Variants in ACOX3 observed in about 807,000 individuals in gnomAD.
ACOX3 encodes peroxisomal acyl-coenzyme A oxidase 3.
Under a neutral mutation model 81.5 loss-of-function variants are expected in ACOX3, and 73 were observed. The observed-to-expected ratio is 0.90, with a 90% confidence interval of 0.74 to 1.09. The LOEUF is 1.09. Among genes scored for constraint, ACOX3 ranks in the 50% least tolerant of loss-of-function variants. The probability of loss-of-function intolerance (pLI) is 0.00; values close to 1 mark genes in which losing one functional copy is unlikely to be tolerated. For missense variants in ACOX3, 947 were observed against 928.0 expected (o/e 1.02, Z -0.27); for synonymous variants, 387 against 375.1 (o/e 1.03, Z -0.37).
chr4:8,420,994 C>T (rs908780112), intron 1 of ACOX3, among the ~76,000 whole-genome samples: 8 of 152,248 alleles, frequency 5.3e-5, no homozygotes, highest in Non-Finnish European at 7.3e-5. Flanking sequence ...ACACTCACCG[C>T]ATGGCCCAAG....
chr4:8,374,882 T>G (rs1716723211), intron 15 of ACOX3, 96 bp downstream of exon 15: 1 of 1,341,588 alleles, frequency 7.5e-7, no homozygotes, highest in South Asian at 1.6e-5. Flanking sequence ...GTGAGTCCCG[T>G]GGAAGGAGGA....
rs1360856106 is a variant in ACOX3 at position 8,384,746 on chromosome 4, G to A, written c.1538-3139C>T. On this transcript the variant is annotated intron_variant, in intron 13 of 17. Coordinates refer to ENST00000356406, the MANE Select transcript of ACOX3 (RefSeq NM_003501.3). The surrounding 1 kb of genome is among the most constrained non-coding windows in gnomAD (Gnocchi z 5.3). ...TCCAGTCCCCTCTGCGTCAGCATCAGAGCACTCCTAACTCGGATTCTGACC... is the reference window on the plus strand; with the variant it reads ...TCCAGTCCCCTCTGCGTCAGCATCAAAGCACTCCTAACTCGGATTCTGACC... 6.6e-6 allele frequency among the ~76,000 whole-genome samples: 1 copy of A among 152,120 alleles called. No homozygotes were observed. The highest frequency in any genetic ancestry group is 1.5e-5 in the Non-Finnish European group (1 of 68,034).
At chr4:8,390,653 GAGC>G (rs1718880206) in intron 11 of ACOX3, among the ~76,000 whole-genome samples, 1 of 152,176 alleles carries the variant, frequency 6.6e-6, no homozygotes, top group Non-Finnish European at 1.5e-5. Flanking sequence ...TCACACACTT[GAGC>G]CTGCCTACTG....
Position 8,389,361 on chromosome 4 carries a change from C to T in ACOX3, c.1424-75G>A. ...TTGGGAACCCCAAGCTGGGGGCACC[C>T]CAAAGCACAGAGAGTGTCCAGAGGA... is the stretch of plus-strand genomic sequence containing the variant. On this transcript the variant is annotated intron_variant, in intron 12 of 17. Coordinates refer to ENST00000356406, the MANE Select transcript of ACOX3 (RefSeq NM_003501.3). This position sits in a 1 kb window ranked among gnomAD's most constrained non-coding sequence, Gnocchi z 5.3. 1.4e-6 allele frequency: 2 copies of T among 1,462,476 alleles called. No individual in the cohort carries two copies. The highest frequency in any genetic ancestry group is 2.4e-5 in the East Asian group (1 of 41,574). 90.6% of individuals were successfully genotyped at this position (1,462,476 alleles called of 1,614,324 possible).
rs573837947 is a variant in ACOX3, at chr4:8,397,505, G to A, written c.874-386C>T. ...ATGTGGCCTGTACTGCCAGAGGGCA[G>A]GGGCGGAGTCCATTACAGGCAGCCT... On this transcript the variant is annotated intron_variant, in intron 8 of 17. Transcript: ENST00000356406. 8.7e-4 allele frequency among the ~76,000 whole-genome samples: 132 copies of A among 152,370 alleles called. 1 individual carries two copies. Among genetic ancestry groups the A allele is most frequent in the African/African-American group, 3.1e-3 (129 of 41,584 alleles).
chr4:8,361,425 C>CAAA (rs56251372), downstream of ACOX3, among the ~76,000 whole-genome samples: 181 of 39,028 alleles, frequency 4.6e-3, 19 homozygotes, highest in East Asian at 9.6e-3. Flanking sequence ...GACTCTATCT[C>CAAA]AAAAAAAAAA....
In ACOX3 at chr4:8,399,449, T is replaced by C. The variant is rs2108901290; in HGVS notation, c.873+107A>G. 1.0e-6 allele frequency: 1 copy of C among 962,824 alleles called. No homozygotes were observed. The highest frequency in any genetic ancestry group is 1.6e-6 in the Non-Finnish European group (1 of 627,556). The allele number at this position is 962,824 out of a possible 1,614,324, so 59.6% of individuals were successfully genotyped here. On this transcript the variant is annotated intron_variant, in intron 8 of 17. Coordinates refer to ENST00000356406, the MANE Select transcript of ACOX3 (RefSeq NM_003501.3). This position sits in a 1 kb window ranked among gnomAD's most constrained non-coding sequence, Gnocchi z 4.9. ...AAGTATGCCCCAGCGACACCTGGCC[T>C]ACGTGGAGGGGTCTCCTTTCCAGGT...
chr4:8,436,884 C>T (rs1161477498), intron 1 of ACOX3, among the ~76,000 whole-genome samples: 1 of 146,484 alleles, frequency 6.8e-6, no homozygotes, highest in Non-Finnish European at 1.5e-5. Context: ...CCCAGCTACT[C>T]GGGAGGCTGA....
At chr4:8,422,611 A>T (rs1269430104) in intron 1 of ACOX3, among the ~76,000 whole-genome samples, 1 of 152,222 alleles carries the variant, frequency 6.6e-6, no homozygotes, top group East Asian at 1.9e-4. Flanking sequence ...AATTTACTCA[A>T]TTCGCTTTCA....
intron 11 of ACOX3, among the ~76,000 whole-genome samples, chr4:8,390,059 C>T (rs1014124086): frequency 1.4e-5 from 2 of 147,322 alleles, no homozygotes; most frequent in Non-Finnish European, 3.0e-5. Flanking sequence ...GCCGAGATTG[C>T]GCAACTGCAC....
chr4:8,408,894 G>A (rs867507976), intron 6 of ACOX3, among the ~76,000 whole-genome samples: 1 of 47,818 alleles, frequency 2.1e-5, no homozygotes, highest in Non-Finnish European at 4.4e-5. Flanking sequence ...CCCTCACTGG[G>A]GGGGGGGGGT....
rs1718374459 is a variant in ACOX3, at chr4:8,386,899, G to A, written c.1537+2274C>T. ...GAGACGGACAAGGACACACGCTCGG[G>A]GGCTGCTATCACATCCACGGCGTCG... On this transcript the variant is annotated intron_variant, in intron 13 of 17. Coordinates refer to ENST00000356406, the MANE Select transcript of ACOX3 (RefSeq NM_003501.3). The surrounding 1 kb of genome is among the most constrained non-coding windows in gnomAD (Gnocchi z 5.2). Among the ~76,000 whole-genome samples the A allele has an allele frequency of 6.6e-6, 1 of 152,336 alleles. No homozygotes were observed. The highest frequency in any genetic ancestry group is 2.1e-4 in the South Asian group (1 of 4,832).
rs960204847 is a variant in ACOX3, at chr4:8,430,382, A to T, written c.-15+10266T>A. On this transcript the variant is annotated intron_variant, in intron 1 of 17. Coordinates refer to ENST00000356406, the MANE Select transcript of ACOX3 (RefSeq NM_003501.3). The surrounding 1 kb of genome is among the most constrained non-coding windows in gnomAD (Gnocchi z 5.2). Reference sequence around the variant, plus strand: ...CCCCAGGAGCAACAAGGATTGCCTGAAGACAAAGCAATCATGGTCTAATAA... The same window carrying T: ...CCCCAGGAGCAACAAGGATTGCCTGTAGACAAAGCAATCATGGTCTAATAA... Among the ~76,000 whole-genome samples the T allele has an allele frequency of 6.6e-6, 1 of 152,232 alleles. No individual in the cohort carries two copies. Among genetic ancestry groups the T allele is most frequent in the Non-Finnish European group, 1.5e-5 (1 of 68,038 alleles).
chr4:8,427,899 C>CT (rs1181037504), intron 1 of ACOX3, among the ~76,000 whole-genome samples: 1 of 152,166 alleles, frequency 6.6e-6, no homozygotes, highest in Non-Finnish European at 1.5e-5. Flanking sequence ...ATGGTGATGT[C>CT]TGCCTAGTGC....
Position 8,381,988 on chromosome 4 carries a change from C to T in ACOX3, c.1538-381G>A, listed in dbSNP as rs1448645141. On this transcript the variant is annotated intron_variant, in intron 13 of 17. Coordinates refer to ENST00000356406, the MANE Select transcript of ACOX3 (RefSeq NM_003501.3). This position sits in a 1 kb window ranked among gnomAD's most constrained non-coding sequence, Gnocchi z 4.3. ...CGTGGTGCTGCCTCCACAGCATCAG[C>T]CAGGACTGCATGGGCAGCAGGACAA... Among the ~76,000 whole-genome samples the T allele has an allele frequency of 6.6e-6, 1 of 152,250 alleles. No individual in the cohort carries two copies. The highest frequency in any genetic ancestry group is 1.5e-5 in the Non-Finnish European group (1 of 68,050).
chr4:8,415,402 T>A (rs1344953656), intron 3 of ACOX3, among the ~76,000 whole-genome samples: 1 of 151,632 alleles, frequency 6.6e-6, no homozygotes, highest in African/African-American at 2.4e-5. Context: ...TTTGGCCTAC[T>A]TTTTAAATTT....
At chr4:8,390,064 C>T (rs905782703) in intron 11 of ACOX3, among the ~76,000 whole-genome samples, 4 of 145,838 alleles carry the variant, frequency 2.7e-5, no homozygotes, top group Admixed American at 6.9e-5. Flanking sequence ...GATTGCGCAA[C>T]TGCACTCCAG....
In ACOX3 at chr4:8,402,814, C is replaced by T. The variant is rs866674440; in HGVS notation, c.776+3141G>A. On this transcript the variant is annotated intron_variant, in intron 7 of 17. Transcript: ENST00000356406. ...GGAGGCCTGAGTGTGGCACAGAAAC[C>T]CTCACTCCAATCCCAGAAGCGCCCA... Among the ~76,000 whole-genome samples the T allele has an allele frequency of 2.2e-4, 34 of 152,288 alleles. 1 individual carries two copies. Among genetic ancestry groups the T allele is most frequent in the African/African-American group, 6.3e-4 (26 of 41,564 alleles).
chr4:8,438,512 G>A (rs1560212515), intron 1 of ACOX3, among the ~76,000 whole-genome samples: 1 of 151,994 alleles, frequency 6.6e-6, no homozygotes, highest in Non-Finnish European at 1.5e-5. Context: ...GATTTTGTTC[G>A]GTCGGCCACC....
Sources: gnomAD v4.1 joint callset for allele counts (sites outside exome capture counted in the v4.1 genomes callset) on GRCh38, gnomAD v4.1.1 for gene constraint, Gnocchi (gnomAD v3.1) non-coding constraint, MANE v1.5 for transcripts, NCBI Gene and HGNC (gene_info 2026-07-23, HGNC 2026-07-21) for gene names.